CRACD: variants seen among roughly 807,000 people sequenced by gnomAD.
CRACD encodes the protein capping protein inhibiting regulator of actin dynamics, also known as capping protein-inhibiting regulator of actin dynamics.
In CRACD, 56 loss-of-function variants were observed where a neutral mutation model predicts 106.8. The ratio of observed to expected loss-of-function variants is 0.52; its 90% CI spans 0.42 to 0.66. The LOEUF (loss-of-function observed/expected upper bound fraction) is 0.66, where lower values mean the gene tolerates loss of function less well. Ranked by LOEUF, CRACD falls within the 30% of genes least tolerant of loss-of-function variation. The probability of loss-of-function intolerance (pLI) is 0.00; values close to 1 mark genes in which losing one functional copy is unlikely to be tolerated. For synonymous variants in CRACD, 754 were observed against 670.8 expected (o/e 1.12, Z -1.92); for missense variants, 1,730 against 1,623.2 (o/e 1.07, Z -1.13).
chr4:56,114,626 A>C (rs1046432419), intron 1 of CRACD, among the ~76,000 whole-genome samples: 1 of 152,132 alleles, frequency 6.6e-6, no homozygotes, highest in African/African-American at 2.4e-5. Flanking sequence ...CACTATTTCA[A>C]ACTGTAGGGC....
chr4:56,174,498 A>G (rs1736503586), intron 1 of CRACD, among the ~76,000 whole-genome samples: 1 of 152,182 alleles, frequency 6.6e-6, no homozygotes, highest in Admixed American at 6.5e-5. Context: ...GGAACATGAG[A>G]TCAATTTTTT....
chr4:56,207,645 G>A (rs75086766), intron 2 of CRACD, among the ~76,000 whole-genome samples: 2,184 of 150,618 alleles, frequency 0.015, 18 homozygotes, highest in Non-Finnish European at 0.023. Flanking sequence ...CCCTTTTTCA[G>A]GTCTATTCAT....
In CRACD at chr4:56,086,709, C is replaced by T. The variant is rs371740871; in HGVS notation, c.-336+37410C>T. Among the ~76,000 whole-genome samples, 180 of 152,236 alleles carry T rather than the reference C, an allele frequency of 1.2e-3. 1 individual carries two copies. The highest frequency in any genetic ancestry group is 3.9e-3 in the African/African-American group (162 of 41,538). The stretch of plus-strand genomic sequence containing the variant: ...GTCCAGGTGCGTCACTTTCCCGGCA[C>T]CGCCCAGTGAGTTTCCTCTTATCGT... On this transcript the variant is annotated intron_variant, in intron 1 of 10. Transcript: ENST00000682029.
intron 1 of CRACD, among the ~76,000 whole-genome samples, chr4:56,068,513 A>T (rs563957479): frequency 6.6e-6 from 1 of 152,290 alleles, no homozygotes; most frequent in East Asian, 1.9e-4. Flanking sequence ...TTTTCTAAGG[A>T]TCTGTCTAGC....
At chr4:56,134,526 C>T (rs1379221538) in intron 1 of CRACD, among the ~76,000 whole-genome samples, 1 of 152,156 alleles carries the variant, frequency 6.6e-6, no homozygotes, top group Non-Finnish European at 1.5e-5. Context: ...GCAAGCAGCT[C>T]TGTCTGAGAG....
chr4:56,082,057 A>G (rs1560445576), intron 1 of CRACD, among the ~76,000 whole-genome samples: 1 of 152,172 alleles, frequency 6.6e-6, no homozygotes, highest in East Asian at 1.9e-4. Context: ...CAAAAAGTTT[A>G]TTTCGTAAGA....
intron 2 of CRACD, among the ~76,000 whole-genome samples, chr4:56,256,844 A>G (rs921931845): frequency 1.3e-5 from 2 of 152,190 alleles, no homozygotes; most frequent in African/African-American, 4.8e-5. Context: ...GGCATTCCAA[A>G]GTAAACCTGA....
At chr4:56,250,971 CTT>C (rs1367258749) in intron 2 of CRACD, among the ~76,000 whole-genome samples, 13 of 152,198 alleles carry the variant, frequency 8.5e-5, no homozygotes. Context: ...CCATTCATGT[CTT>C]TATCCTACAC....
At chr4:56,197,564 G>T (rs1737667225) in intron 2 of CRACD, among the ~76,000 whole-genome samples, 1 of 152,122 alleles carries the variant, frequency 6.6e-6, no homozygotes, top group South Asian at 2.1e-4. Context: ...ATTTTACAGT[G>T]TGTTTGTGAA....
chr4:56,256,032 C>T (rs1741334250), intron 2 of CRACD, among the ~76,000 whole-genome samples: 1 of 152,052 alleles, frequency 6.6e-6, no homozygotes, highest in South Asian at 2.1e-4. Context: ...TGGCTGGCCC[C>T]TATAGGTGAT....
rs548336611 is a variant in CRACD at position 56,258,208 on chromosome 4, C to G, written c.-188-14113C>G. Reference sequence around the variant, plus strand: ...CTCAGACATTCCTTTCTATTGATTCCAAGACTTTAGATAATAACTTAACTC... The same window carrying G: ...CTCAGACATTCCTTTCTATTGATTCGAAGACTTTAGATAATAACTTAACTC... On this transcript the variant is annotated intron_variant, in intron 2 of 10. Coordinates refer to ENST00000682029, the MANE Select transcript of CRACD (RefSeq NM_001393381.1). Among the ~76,000 whole-genome samples, 7 of 152,196 alleles carry G rather than the reference C, an allele frequency of 4.6e-5. No individual in the cohort carries two copies. The East Asian group carries it at 1.2e-3, about 25-fold the overall frequency.
At chr4:56,230,434 C>T (rs914643138) in intron 2 of CRACD, among the ~76,000 whole-genome samples, 2 of 151,940 alleles carry the variant, frequency 1.3e-5, no homozygotes, top group African/African-American at 4.8e-5. Context: ...CTGTGGTGGC[C>T]CCGGTGGAGG....
At chr4:56,052,624 T>C (rs956547334) in intron 1 of CRACD, among the ~76,000 whole-genome samples, 2 of 152,256 alleles carry the variant, frequency 1.3e-5, no homozygotes, top group Non-Finnish European at 2.9e-5. Context: ...TATTTATATA[T>C]GTTATCTAAT....
intron 3 of CRACD, among the ~76,000 whole-genome samples, chr4:56,287,641 G>C (rs1199843448): frequency 6.6e-6 from 1 of 152,078 alleles, no homozygotes; most frequent in Non-Finnish European, 1.5e-5. Flanking sequence ...TTCCCAGGCT[G>C]ATCTTGAACT....
intron 2 of CRACD, among the ~76,000 whole-genome samples, chr4:56,250,771 A>G (rs929467103): frequency 1.3e-5 from 2 of 152,336 alleles, no homozygotes; most frequent in Middle Eastern, 3.4e-3. Context: ...AGTGGTCGTG[A>G]GGTATTACAT....
chr4:56,235,894 G>C (rs1171552549), intron 2 of CRACD, among the ~76,000 whole-genome samples: 1 of 152,212 alleles, frequency 6.6e-6, no homozygotes, highest in Non-Finnish European at 1.5e-5. Flanking sequence ...TCTGGCCAGA[G>C]TTTTAAGACA....
chr4:56,190,660 C>G (rs1376950580), intron 2 of CRACD, among the ~76,000 whole-genome samples: 1 of 152,042 alleles, frequency 6.6e-6, no homozygotes, highest in East Asian at 1.9e-4. Context: ...AAGGGTACAG[C>G]CTCCTCCCTA....
intron 4 of CRACD, among the ~76,000 whole-genome samples, chr4:56,302,964 C>T (rs925841537): frequency 6.6e-6 from 1 of 152,188 alleles, no homozygotes; most frequent in Non-Finnish European, 1.5e-5. Flanking sequence ...AACAGTAACT[C>T]CATTCATGGC....
intron 2 of CRACD, among the ~76,000 whole-genome samples, chr4:56,193,712 T>A (rs1398559007): frequency 6.6e-6 from 1 of 152,240 alleles, no homozygotes; most frequent in African/African-American, 2.4e-5. Context: ...ATAATCAATC[T>A]CAGAGACTCA....
Sources: gnomAD v4.1 joint callset for allele counts (sites outside exome capture counted in the v4.1 genomes callset) on GRCh38, gnomAD v4.1.1 for gene constraint, MANE v1.5 for transcripts, NCBI Gene and HGNC (gene_info 2026-07-23, HGNC 2026-07-21) for gene names.